AUTS2: variants seen among roughly 807,000 people sequenced by gnomAD.
AUTS2 encodes autism susceptibility gene 2 protein.
AUTS2 carries 17 observed loss-of-function variants against 112.4 expected under a neutral mutation model. The ratio of observed to expected loss-of-function variants is 0.15; its 90% CI spans 0.10 to 0.23. The LOEUF (loss-of-function observed/expected upper bound fraction) is 0.23. Among genes scored for constraint, AUTS2 ranks in the 10% least tolerant of loss-of-function variants. The pLI is 1.00. For missense variants in AUTS2, 1,510 were observed against 1,701.6 expected (o/e 0.89, Z 1.98); for synonymous variants, 751 against 702.7 (o/e 1.07, Z -1.09).
intron 5 of AUTS2, among the ~76,000 whole-genome samples, chr7:70,492,084 C>G (rs568676933): frequency 1.3e-5 from 2 of 152,252 alleles, no homozygotes; most frequent in South Asian, 2.1e-4. Context: ...CTCCTCCACC[C>G]CACCCCTCCC....
At chr7:70,035,488 G>A (rs1406000540) in intron 2 of AUTS2, among the ~76,000 whole-genome samples, 1 of 152,084 alleles carries the variant, frequency 6.6e-6, no homozygotes, top group Non-Finnish European at 1.5e-5. Context: ...CGTTTGATTT[G>A]TTTTCTTTTT....
At position 69,785,891 on chromosome 7, in the gene AUTS2, C is replaced by T. The variant is rs549345810; in HGVS notation, c.310-113395C>T. Among the ~76,000 whole-genome samples the T allele has an allele frequency of 4.0e-4, 61 of 152,240 alleles. 2 individuals are homozygous for T. In the South Asian group the frequency reaches 9.3e-3, roughly 23 times the overall value. ...TGTTGCCCAGGCTGGAGTGCAATGG[C>T]GCAATCTCGGCTTACTGCAACCCTT... On this transcript the variant is annotated intron_variant, in intron 1 of 18. Transcript: ENST00000342771.
At chr7:70,158,384 T>G (rs1807896137) in intron 4 of AUTS2, among the ~76,000 whole-genome samples, 1 of 152,056 alleles carries the variant, frequency 6.6e-6, no homozygotes, top group Non-Finnish European at 1.5e-5. Context: ...GGAGAGAAGG[T>G]GGACAATTCT....
intron 1 of AUTS2, among the ~76,000 whole-genome samples, chr7:69,753,603 G>GT (rs1787830868): frequency 6.6e-6 from 1 of 152,192 alleles, no homozygotes. Context: ...TATGGGTAAT[G>GT]TTTGTGAACA....
chr7:70,364,394 C>G (rs1465361577), intron 4 of AUTS2, among the ~76,000 whole-genome samples: 1 of 151,814 alleles, frequency 6.6e-6, no homozygotes, highest in African/African-American at 2.4e-5. Flanking sequence ...GAAACCCAGT[C>G]TCTACTAAAA....
intron 2 of AUTS2, among the ~76,000 whole-genome samples, chr7:70,093,616 C>T (rs570118847): frequency 7.9e-5 from 12 of 152,268 alleles, no homozygotes; most frequent in African/African-American, 1.9e-4. Context: ...TGAGGAGACA[C>T]GAAGGACATG....
At chr7:70,768,587 A>T (rs1790087883) in intron 10 of AUTS2, among the ~76,000 whole-genome samples, 1 of 152,210 alleles carries the variant, frequency 6.6e-6, no homozygotes, top group Non-Finnish European at 1.5e-5. Context: ...AATAGAAAGT[A>T]AAAATATCAC....
chr7:70,069,521 T>G (rs560457695), intron 2 of AUTS2, among the ~76,000 whole-genome samples: 14 of 152,370 alleles, frequency 9.2e-5, no homozygotes, highest in Non-Finnish European at 1.9e-4. Context: ...AATCCTGTCC[T>G]ACATTAGCTT....
intron 5 of AUTS2, among the ~76,000 whole-genome samples, chr7:70,508,139 G>A (rs1329718557): frequency 1.0e-4 from 15 of 150,468 alleles, no homozygotes; most frequent in Admixed American, 9.2e-4. Context: ...CTCGGGCTAC[G>A]GGGAGCAGAG....
chr7:69,681,680 TTCTC>T (rs752163225), intron 1 of AUTS2, among the ~76,000 whole-genome samples: 4 of 152,226 alleles, frequency 2.6e-5, no homozygotes, highest in African/African-American at 7.2e-5. Flanking sequence ...GTGGTTATGC[TTCTC>T]TCTATTTCTT....
intron 2 of AUTS2, among the ~76,000 whole-genome samples, chr7:70,114,895 A>T (rs1805278843): frequency 6.6e-6 from 1 of 152,178 alleles, no homozygotes; most frequent in Admixed American, 6.5e-5. Context: ...TACTTACTGT[A>T]GTCAGTTCAT....
chr7:69,786,460 G>C (rs1789381457), intron 1 of AUTS2, among the ~76,000 whole-genome samples: 1 of 152,182 alleles, frequency 6.6e-6, no homozygotes, highest in African/African-American at 2.4e-5. Context: ...ACATTGGTGG[G>C]GAAAAATAAG....
At chr7:70,340,674 C>G (rs77789524) in intron 4 of AUTS2, among the ~76,000 whole-genome samples, 138 of 152,308 alleles carry the variant, frequency 9.1e-4, no homozygotes, top group Non-Finnish European at 1.7e-3. Flanking sequence ...GGTACTTGAA[C>G]ATGTATGAAT....
At chr7:69,940,169 A>T (rs578119068) in intron 2 of AUTS2, among the ~76,000 whole-genome samples, 1 of 152,290 alleles carries the variant, frequency 6.6e-6, no homozygotes, top group African/African-American at 2.4e-5. Context: ...CAGAGTCAGG[A>T]TTTGAACCTG....
intron 2 of AUTS2, among the ~76,000 whole-genome samples, chr7:70,019,594 G>A (rs1800185052): frequency 6.6e-6 from 1 of 152,160 alleles, no homozygotes; most frequent in Non-Finnish European, 1.5e-5. Flanking sequence ...CTCTGAAGCT[G>A]AAGCCTCAGG....
At chr7:70,386,425 G>A (rs772238936) in intron 4 of AUTS2, among the ~76,000 whole-genome samples, 7 of 152,014 alleles carry the variant, frequency 4.6e-5, no homozygotes, top group Non-Finnish European at 1.0e-4. Context: ...ATTGATTTTT[G>A]GTATATTGAC....
rs117210258 is a variant in AUTS2 at position 70,501,134 on chromosome 7, G to A, written c.690+65353G>A. Among the ~76,000 whole-genome samples, 253 of 152,250 alleles carry A rather than the reference G, an allele frequency of 1.7e-3. 6 individuals carry two copies. The East Asian group carries it at 0.039, about 24-fold the overall frequency. ...TATCTCACCTATTCAGATTTATTTC[G>A]TGAATGTGTATTTTAGAAATACATT... On this transcript the variant is annotated intron_variant, in intron 5 of 18. Transcript: ENST00000342771.
intron 18 of AUTS2, 56 bp from the exon 19 acceptor site, chr7:70,789,692 G>C (rs1235430819): frequency 1.9e-6 from 3 of 1,558,110 alleles, no homozygotes; most frequent in East Asian, 2.3e-5. Context: ...CCCCTGGCCC[G>C]GCCGACTCGC....
chr7:70,663,987 A>G (rs1049932222), intron 5 of AUTS2, among the ~76,000 whole-genome samples: 15 of 152,176 alleles, frequency 9.9e-5, no homozygotes, highest in African/African-American at 2.9e-4. Context: ...CCCAGGCCAT[A>G]GTTGTTTTCT....
Sources: gnomAD v4.1 joint callset for allele counts (sites outside exome capture counted in the v4.1 genomes callset) on GRCh38, gnomAD v4.1.1 for gene constraint, MANE v1.5 for transcripts, NCBI Gene and HGNC (gene_info 2026-07-23, HGNC 2026-07-21) for gene names.